Variants in FBXO47 observed in about 807,000 individuals in gnomAD.
FBXO47 encodes the protein F-box protein 47.
FBXO47 carries 34 observed loss-of-function variants against 53.9 expected under a neutral mutation model. That is an observed-to-expected ratio of 0.63 (90% CI 0.48 to 0.84). The LOEUF is 0.84. Ranked by LOEUF, FBXO47 falls within the 40% of genes least tolerant of loss-of-function variation. FBXO47 has a pLI of 0.00. For missense variants in FBXO47, 485 were observed against 541.3 expected, an observed-to-expected ratio of 0.90 and a Z score of 1.03; for synonymous variants, 165 against 181.6, an observed-to-expected ratio of 0.91 and a Z score of 0.73.
intron 8 of FBXO47, 52 bp from the exon 9 acceptor site, chr17:38,942,972 A>G: frequency 7.1e-7 from 1 of 1,415,380 alleles, no homozygotes; most frequent in Non-Finnish European, 9.8e-7. Context: ...CAACAGCTAT[A>G]GTAAATACCA....
chr17:38,947,396 A>G (rs928619719), intron 6 of FBXO47, among the ~76,000 whole-genome samples: 5 of 151,956 alleles, frequency 3.3e-5, no homozygotes, highest in Non-Finnish European at 7.4e-5. Context: ...ATGACTGATC[A>G]TAGCTCACTA....
Position 38,937,151 on chromosome 17 carries a change from C to A in FBXO47, c.*24G>T. 1 of 1,135,832 alleles carries A rather than the reference C, an allele frequency of 8.8e-7. No homozygotes were observed. The highest frequency in any genetic ancestry group is 1.9e-5 in the Admixed American group (1 of 51,552). 70.4% of individuals were successfully genotyped at this position (1,135,832 alleles called of 1,614,324 possible). A position where few individuals can be genotyped will look rare whatever the true frequency, so the allele number is the denominator to read the frequency against. On this transcript the variant is annotated 3_prime_UTR_variant, in exon 11 of 11. Coordinates refer to ENST00000378079, the MANE Select transcript of FBXO47 (RefSeq NM_001008777.3). ...CTAATCATTCGTTCAGTGACGTTCT[C>A]TAAAGGCAAGGCTTTCTGAGGATTT...
At chr17:38,941,083 C>G (rs1405124291) in intron 9 of FBXO47, among the ~76,000 whole-genome samples, 1 of 151,890 alleles carries the variant, frequency 6.6e-6, no homozygotes, top group Non-Finnish European at 1.5e-5. Flanking sequence ...CACCCAGACT[C>G]AAGTGATCTT....
rs1301528169 is a variant in FBXO47 at position 38,951,527 on chromosome 17, T to G, written c.616+54A>C. Reference sequence around the variant, plus strand: ...TTTTAATTACATTTTTAAAACTCTGTTTATTTTTTCTATTTTAATCTCTGT... The same window carrying G: ...TTTTAATTACATTTTTAAAACTCTGGTTATTTTTTCTATTTTAATCTCTGT... On this transcript the variant is annotated intron_variant, in intron 6 of 10. Transcript: ENST00000378079. 11 of 1,334,696 alleles carry G rather than the reference T, an allele frequency of 8.2e-6. 1 individual carries two copies. The African/African-American group carries it at 1.5e-4, about 18-fold the overall frequency. The allele number at this position is 1,334,696 out of a possible 1,614,324, so 82.7% of individuals were successfully genotyped here. A position where few individuals can be genotyped will look rare whatever the true frequency, so the allele number is the denominator to read the frequency against.
At chr17:38,940,735 GCGT>G (rs1904468995) in intron 9 of FBXO47, among the ~76,000 whole-genome samples, 2 of 152,034 alleles carry the variant, frequency 1.3e-5, no homozygotes, top group South Asian at 4.1e-4. Flanking sequence ...AAGTGCAGTG[GCGT>G]GACCATAGCT....
At chr17:38,957,094 T>G in intron 4 of FBXO47, 83 bp downstream of exon 4, 1 of 865,426 alleles carries the variant, frequency 1.2e-6, no homozygotes, top group Admixed American at 2.0e-5. Context: ...TCTACTAATA[T>G]AGAGTAAAAT....
Position 38,944,998 on chromosome 17 carries a change from A to C in FBXO47, c.755T>G (p.Leu252Ter). Residue 252 changes from leucine to a stop codon, truncating the protein, a stop_gained, in exon 7 of 11, where the codon TTA (leucine) becomes TGA (stop). Transcript: ENST00000378079. LOFTEE classifies it high-confidence loss of function. ...TATTGGCCCAAAGATGATATACAGT[A>C]ATCTTGCCTGATTCACCATTGGCCA... ...KPWPMVNQAR[L>*]LYIIFGPISP... The C allele has an allele frequency of 1.9e-6, 3 of 1,614,060 alleles. No individual in the cohort carries two copies. Among genetic ancestry groups the C allele is most frequent in the Non-Finnish European group, 2.5e-6 (3 of 1,179,976 alleles).
At chr17:38,954,809 T>C (rs1905467558) in intron 5 of FBXO47, 47 bp downstream of exon 5, 3 of 1,080,478 alleles carry the variant, frequency 2.8e-6, no homozygotes, top group Non-Finnish European at 4.1e-6. Flanking sequence ...CTATTTGTTA[T>C]CAGTTCCAAA....
chr17:38,950,385 TTTTG>T (rs774763878), intron 6 of FBXO47, among the ~76,000 whole-genome samples: 16 of 151,808 alleles, frequency 1.1e-4, no homozygotes, highest in Non-Finnish European at 2.4e-4. Context: ...TTTTTGTTTG[TTTTG>T]TTTTTTTTTC....
chr17:38,944,840 G>A (rs866424643), intron 7 of FBXO47, 120 bp downstream of exon 7: 22 of 761,754 alleles, frequency 2.9e-5, no homozygotes, highest in South Asian at 2.3e-4. Context: ...CACTGTGTGC[G>A]TGCATGCATG....
intron 6 of FBXO47, among the ~76,000 whole-genome samples, chr17:38,951,250 G>A (rs1039207095): frequency 2.0e-5 from 3 of 151,382 alleles, no homozygotes; most frequent in African/African-American, 7.3e-5. Context: ...GGTTGAGTGT[G>A]GTGGTGCGAT....
At position 38,938,601 on chromosome 17, in the gene FBXO47, T is replaced by C. The variant is rs1008403490; in HGVS notation, c.1215A>G (p.Ile405Met). 8 of 1,613,078 alleles carry C rather than the reference T, an allele frequency of 5.0e-6. No individual in the cohort carries two copies. In the Admixed American group the frequency reaches 1.2e-4, roughly 24 times the overall value. ...ACATAATTGATTGCAGCATTTCCAT[T>C]ATAACACATGCAAATGCATTTGCCA... ...QNVANAFACV[I>M]MEMLQSIMSG... is the part of the protein sequence containing the mutation. The change falls in exon 10 of 11, where the codon ATA becomes ATG. Residue 405 changes from isoleucine (I) to methionine (M), a missense_variant. Transcript: ENST00000378079.
rs1555560615 is a variant in FBXO47, at chr17:38,945,946, A to AATATATATATATATATAT, written c.617-811_617-810insATATATATATATATATAT. 3.0e-5 allele frequency among the ~76,000 whole-genome samples: 4 copies of AATATATATATATATATAT among 133,022 alleles called. No homozygotes were observed. The East Asian group carries it at 9.2e-4, about 31-fold the overall frequency. The allele number at this position is 133,022 out of a possible 152,430, so 87.3% of individuals were successfully genotyped here. A position where few individuals can be genotyped will look rare whatever the true frequency, so the allele number is the denominator to read the frequency against. The stretch of plus-strand genomic sequence containing the variant: ...GCGAGACTCTGGCTCAAAAAAAAAA[A>AATATATATATATATATAT]AAATATATATATATATATAAATATA... On this transcript the variant is annotated intron_variant, in intron 6 of 10. Coordinates refer to ENST00000378079, the MANE Select transcript of FBXO47 (RefSeq NM_001008777.3).
intron 1 of FBXO47, among the ~76,000 whole-genome samples, chr17:38,964,360 C>T (rs1040395681): frequency 7.9e-5 from 12 of 152,206 alleles, no homozygotes; most frequent in Admixed American, 7.9e-4. Flanking sequence ...CTTTGGGAAG[C>T]CAAGGCGGGT....
intron 5 of FBXO47, 91 bp downstream of exon 5, chr17:38,954,765 C>A: frequency 1.5e-6 from 1 of 672,668 alleles, no homozygotes; most frequent in Non-Finnish European, 2.4e-6. Context: ...ATTATTATAA[C>A]TTTATTAACC....
chr17:38,955,558 C>T (rs1905511331), intron 4 of FBXO47, among the ~76,000 whole-genome samples: 1 of 151,658 alleles, frequency 6.6e-6, no homozygotes, highest in African/African-American at 2.4e-5. Context: ...ATTCTCATGC[C>T]TTAGCCTCCC....
chr17:38,946,049 A>ATACATAAATATATATTT (rs1904761797), intron 6 of FBXO47, among the ~76,000 whole-genome samples: 5 of 118,942 alleles, frequency 4.2e-5, no homozygotes, highest in African/African-American at 1.1e-4. Context: ...ATATATATAA[A>ATACATAAATATATATTT]ATATATAAAT....
chr17:38,964,755 C>T (rs1198175756), intron 1 of FBXO47, among the ~76,000 whole-genome samples: 2 of 152,092 alleles, frequency 1.3e-5, no homozygotes, highest in African/African-American at 4.8e-5. Context: ...ATTTCAAAGA[C>T]AAATATTTCT....
At chr17:38,958,362 C>T (rs1270458872) in intron 3 of FBXO47, among the ~76,000 whole-genome samples, 1 of 151,076 alleles carries the variant, frequency 6.6e-6, no homozygotes, top group Non-Finnish European at 1.5e-5. Context: ...TTTTTCCCCA[C>T]AGAAAGTATC....
Sources: allele counts gnomAD v4.1 joint callset (sites outside exome capture counted in the v4.1 genomes callset), GRCh38; gene constraint gnomAD v4.1.1; transcripts MANE v1.5; gene names NCBI Gene and HGNC (gene_info 2026-07-23, HGNC 2026-07-21).